Variants in IL1RAPL1 observed in about 807,000 individuals in gnomAD.
IL1RAPL1 encodes interleukin 1 receptor accessory protein like 1, also known as interleukin-1 receptor accessory protein-like 1.
In IL1RAPL1, 3 loss-of-function variants were observed where a neutral mutation model predicts 48.4. The ratio of observed to expected loss-of-function variants is 0.06; its 90% CI spans 0.03 to 0.16. The LOEUF is 0.16. IL1RAPL1 is among the 10% of genes least tolerant of loss of function. IL1RAPL1 has a pLI of 1.00. For missense variants in IL1RAPL1, 349 were observed against 530.6 expected (o/e 0.66, Z 3.36); for synonymous variants, 185 against 187.7 (o/e 0.99, Z 0.12).
chrX:29,118,157 G>A (rs1500730), intron 2 of IL1RAPL1, among the ~76,000 whole-genome samples: 30,827 of 111,044 alleles, frequency 0.28, 3,986 homozygotes, highest in African/African-American at 0.51. Flanking sequence ...TTTGTGTTCT[G>A]TATAAGTACA....
chrX:28,956,221 A>G (rs1193789788), intron 2 of IL1RAPL1, among the ~76,000 whole-genome samples: 1 of 107,628 alleles, frequency 9.3e-6, no homozygotes, highest in East Asian at 3.1e-4. Flanking sequence ...GGACAATTTG[A>G]CTCCCTCTTT....
intron 6 of IL1RAPL1, among the ~76,000 whole-genome samples, chrX:29,845,866 A>G (rs112858347): frequency 0.047 from 5,214 of 110,819 alleles, 305 homozygotes; most frequent in African/African-American, 0.16. Context: ...GTAACTTGGC[A>G]GAAACAGCAG....
intron 2 of IL1RAPL1, among the ~76,000 whole-genome samples, chrX:29,112,720 C>G (rs933523418): frequency 4.6e-5 from 5 of 109,014 alleles, no homozygotes; most frequent in Non-Finnish European, 7.6e-5. Flanking sequence ...TGACCATTCA[C>G]TAGGACATTA....
intron 5 of IL1RAPL1, among the ~76,000 whole-genome samples, chrX:29,582,663 G>A (rs1268225077): frequency 7.1e-5 from 4 of 55,979 alleles, no homozygotes; most frequent in Non-Finnish European, 1.3e-4. Context: ...TTGTTCTTGC[G>A]ATAGTTTACT....
intron 2 of IL1RAPL1, among the ~76,000 whole-genome samples, chrX:28,792,816 A>AAAATAT (rs1936562170): frequency 9.9e-5 from 1 of 10,107 alleles, no homozygotes; most frequent in Admixed American, 2.0e-3. Context: ...AAAAAAAAAA[A>AAAATAT]ATATATATAT....
intron 5 of IL1RAPL1, among the ~76,000 whole-genome samples, chrX:29,409,926 G>A (rs369659027): frequency 1.9e-5 from 2 of 105,961 alleles, no homozygotes; most frequent in Non-Finnish European, 3.9e-5. Context: ...AGGTTCAAGC[G>A]ATTCTCCTGC....
chrX:28,883,523 G>A (rs1431927332), intron 2 of IL1RAPL1, among the ~76,000 whole-genome samples: 2 of 111,905 alleles, frequency 1.8e-5, no homozygotes, highest in South Asian at 7.3e-4. Flanking sequence ...CAGATCTATG[G>A]AGTGAGACTT....
intron 2 of IL1RAPL1, among the ~76,000 whole-genome samples, chrX:29,176,055 C>T (rs1210993441): frequency 9.6e-6 from 1 of 104,315 alleles, no homozygotes; most frequent in East Asian, 3.0e-4. Flanking sequence ...TTTCTGATAC[C>T]GTAGGTCTGG....
intron 1 of IL1RAPL1, among the ~76,000 whole-genome samples, chrX:28,710,798 G>A (rs778530401): frequency 4.5e-5 from 5 of 111,520 alleles, no homozygotes; most frequent in African/African-American, 6.5e-5. Context: ...TATACTTTTC[G>A]TACTAAGACA....
intron 1 of IL1RAPL1, among the ~76,000 whole-genome samples, chrX:28,762,034 G>T (rs1235890722): frequency 9.0e-6 from 1 of 111,561 alleles, no homozygotes; most frequent in African/African-American, 3.3e-5. Flanking sequence ...AAACAGCTTA[G>T]CATAGCGCCT....
chrX:29,718,497 C>T (rs1297188528), intron 6 of IL1RAPL1, among the ~76,000 whole-genome samples: 2 of 106,997 alleles, frequency 1.9e-5, no homozygotes, highest in Non-Finnish European at 3.8e-5. Context: ...AGGAGAAATA[C>T]CTAATGTAGG....
chrX:29,711,106 A>C (rs1239026553), intron 6 of IL1RAPL1, among the ~76,000 whole-genome samples: 4 of 99,997 alleles, frequency 4.0e-5, no homozygotes, highest in African/African-American at 1.4e-4. Context: ...ATATTTTCCC[A>C]TTATTTAGGC....
chrX:29,538,343 T>C lies in IL1RAPL1; in HGVS notation c.704-130087T>C, dbSNP rs10482294. ...AAAGGTTTTTCTTTTCTTTTCTTTT[T>C]TTTTTTTTTTTTGGAGACGGAATCT... On this transcript the variant is annotated intron_variant, in intron 5 of 10. Coordinates refer to ENST00000378993, the MANE Select transcript of IL1RAPL1 (RefSeq NM_014271.4). Among the ~76,000 whole-genome samples the C allele has an allele frequency of 8.1e-3, 816 of 100,478 alleles. 3 individuals carry two copies. The highest frequency in any genetic ancestry group is 0.012 in the Non-Finnish European group (583 of 49,676). The allele number at this position is 100,478 out of a possible 115,157, so 87.3% of individuals were successfully genotyped here.
chrX:29,852,563 T>C (rs963754200), intron 6 of IL1RAPL1, among the ~76,000 whole-genome samples: 1 of 112,223 alleles, frequency 8.9e-6, no homozygotes, highest in Non-Finnish European at 1.9e-5. Flanking sequence ...GTTTATTTTG[T>C]ATTCATGACA....
intron 6 of IL1RAPL1, among the ~76,000 whole-genome samples, chrX:29,763,318 G>A (rs1044349703): frequency 4.5e-5 from 5 of 111,208 alleles, no homozygotes; most frequent in African/African-American, 1.6e-4. Context: ...CTAGAGTATT[G>A]TGAATAAATT....
At position 29,598,022 on chromosome X, in the gene IL1RAPL1, A is replaced by G. The variant is rs768268111; in HGVS notation, c.704-70408A>G. On this transcript the variant is annotated intron_variant, in intron 5 of 10. Transcript: ENST00000378993. ...TTTTGTAATTTTTTGTTTCTGTTTC[A>G]TTTATTTCTGCTCTGATCTTTATTG... Among the ~76,000 whole-genome samples the G allele has an allele frequency of 6.3e-5, 7 of 111,007 alleles. No homozygotes were observed. The South Asian group carries it at 2.6e-3, about 42-fold the overall frequency.
At chrX:29,903,027 A>C (rs1932526125) in intron 6 of IL1RAPL1, among the ~76,000 whole-genome samples, 1 of 111,160 alleles carries the variant, frequency 9.0e-6, no homozygotes, top group Non-Finnish European at 1.9e-5. Flanking sequence ...TTTCTTTTAG[A>C]ATTCTTAGAT....
chrX:29,675,686 G>A (rs1306415682), intron 6 of IL1RAPL1, among the ~76,000 whole-genome samples: 1 of 111,520 alleles, frequency 9.0e-6, no homozygotes, highest in South Asian at 3.8e-4. Context: ...CGCCTCCTGG[G>A]TTCAAGGGAT....
intron 6 of IL1RAPL1, among the ~76,000 whole-genome samples, chrX:29,902,638 A>G (rs994528300): frequency 6.3e-5 from 7 of 110,551 alleles, no homozygotes; most frequent in South Asian, 3.8e-4. Flanking sequence ...TTTGTCCCAT[A>G]ATAGTAATAC....
Sources: allele counts gnomAD v4.1 joint callset (sites outside exome capture counted in the v4.1 genomes callset), GRCh38; gene constraint gnomAD v4.1.1; transcripts MANE v1.5; gene names NCBI Gene and HGNC (gene_info 2026-07-23, HGNC 2026-07-21).